Variants in SLC5A2 observed in about 807,000 individuals in gnomAD.
SLC5A2 encodes the protein solute carrier family 5 member 2, also known as sodium/glucose cotransporter 2.
A neutral mutation model predicts 69.0 loss-of-function variants in SLC5A2; 67 were observed. The observed-to-expected ratio is 0.97, with a 90% CI of 0.80 to 1.19. The LOEUF (loss-of-function observed/expected upper bound fraction) is 1.19, where lower values mean the gene tolerates loss of function less well. SLC5A2 is among the 50% of genes most tolerant of loss of function. The pLI is 0.00. For missense variants in SLC5A2, 1,001 were observed against 921.5 expected (o/e 1.09, Z -1.12); for synonymous variants, 455 against 395.8 (o/e 1.15, Z -1.78).
chr16:31,488,293 A>T, intron 8 of SLC5A2, 90 bp from the exon 9 acceptor site: 5 of 1,598,296 alleles, frequency 3.1e-6, no homozygotes, highest in Non-Finnish European at 4.3e-6. Context: ...CGGGGGTCGC[A>T]CGCCTCCTCT....
Position 31,488,998 on chromosome 16 carries a change from G to C in SLC5A2, c.1399G>C (p.Val467Leu). 1.2e-6 allele frequency: 2 copies of C among 1,600,836 alleles called. No homozygotes were observed. Among genetic ancestry groups the C allele is most frequent in the South Asian group, 1.1e-5 (1 of 91,082 alleles). ...AGTCTCTAGCTACCTGGCACCGCCC[G>C]TGTCCGCCGTCTTCGTGCTGGCGCT... ...QAVSSYLAPP[V>L]SAVFVLALFV... The change falls in exon 11 of 14, where the codon GTG becomes CTG. Residue 467 changes from valine to leucine, a missense_variant. Transcript: ENST00000330498.
Position 31,489,310 on chromosome 16 carries a change from T to A in SLC5A2, c.1637T>A (p.Leu546Gln), listed in dbSNP as rs2082536898. 1 of 1,609,674 alleles carries A rather than the reference T, an allele frequency of 6.2e-7. No homozygotes were observed. Among genetic ancestry groups the A allele is most frequent in the South Asian group, 1.1e-5 (1 of 91,092 alleles). Residue 546 changes from leucine to glutamine, a missense_variant, in exon 12 of 14, where the codon CTG becomes CAG. By Grantham distance (113) the Leu-to-Gln change is moderately radical. Transcript: ENST00000330498. The part of the protein sequence containing the change: ...CSGLLTLTVS[L>Q]CTAPIPRKHL... ...GGCCTCCTCACCCTCACGGTCTCCC[T>A]GTGCACCGCGCCCATCCCCAGAAAG... is the stretch of plus-strand genomic sequence containing the variant.
intron 3 of SLC5A2, 44 bp from the exon 4 acceptor site, chr16:31,485,685 G>C (rs2082489121): frequency 6.2e-7 from 1 of 1,606,642 alleles, no homozygotes. Flanking sequence ...GATCCTCAGG[G>C]ATGAGGGCAA....
rs749110069 is a variant in SLC5A2, at chr16:31,489,382, C to T, written c.1665+44C>T. On this transcript the variant is annotated intron_variant, in intron 12 of 13. Coordinates refer to ENST00000330498, the MANE Select transcript of SLC5A2 (RefSeq NM_003041.4). Reference sequence around the variant, plus strand: ...CAGGCAAGCACTGTGGGACACAGCACCTACCCTCTGCTTCCTGGAGTGCCC... The same window carrying T: ...CAGGCAAGCACTGTGGGACACAGCATCTACCCTCTGCTTCCTGGAGTGCCC... The T allele has an allele frequency of 3.9e-6, 6 of 1,554,170 alleles. No individual in the cohort carries two copies. The East Asian group carries it at 1.4e-4, about 35-fold the overall frequency.
chr16:31,487,914 T>G, intron 7 of SLC5A2, 124 bp from the exon 8 acceptor site: 1 of 1,470,452 alleles, frequency 6.8e-7, no homozygotes, highest in East Asian at 2.4e-5. Flanking sequence ...AGGCTCCATC[T>G]ACTCCAAGCG....
At chr16:31,489,840 C>T (rs1303201782) in intron 12 of SLC5A2, 4 of 501,712 alleles carry the variant, frequency 8.0e-6, no homozygotes, top group Non-Finnish European at 1.5e-5. Context: ...CAAGCGCTAC[C>T]ATCTGGGTGT....
In SLC5A2 at chr16:31,484,919, G is replaced by GGAA; in HGVS notation, c.300_302dup (p.Trp100_Asn101insLys). 1 of 1,613,858 alleles carries GGAA rather than the reference G, an allele frequency of 6.2e-7. No homozygotes were observed. The highest frequency in any genetic ancestry group is 1.1e-5 in the South Asian group (1 of 91,056). On this transcript the variant is annotated inframe_insertion, in exon 3 of 14. Coordinates refer to ENST00000330498, the MANE Select transcript of SLC5A2 (RefSeq NM_003041.4). ...GGCTTGGCTGTTGCTGGATTCGAGTGGAATGTGAGGCCCTCTTTTTTCCAA... is the reference window on the plus strand; with the variant it reads ...GGCTTGGCTGTTGCTGGATTCGAGTGGAAGAATGTGAGGCCCTCTTTTTTCCAA...
intron 3 of SLC5A2, chr16:31,485,443 G>T: frequency 1.9e-6 from 1 of 535,324 alleles, no homozygotes. Flanking sequence ...AGTCTGAGGG[G>T]TCTATGCTGG....
intron 10 of SLC5A2, 21 bp downstream of exon 10, chr16:31,488,793 C>A (rs1274028009): frequency 6.2e-7 from 1 of 1,600,310 alleles, no homozygotes; most frequent in African/African-American, 1.3e-5. Flanking sequence ...GGCTCCCCTC[C>A]TCCCCAACGG....
chr16:31,487,888 T>G, intron 7 of SLC5A2, 129 bp downstream of exon 7: 1 of 1,414,882 alleles, frequency 7.1e-7, no homozygotes, highest in Non-Finnish European at 9.6e-7. Flanking sequence ...CTCGGGTTGG[T>G]GCTAAACCAG....
chr16:31,488,798 C>T (rs1270823451), intron 10 of SLC5A2, 26 bp downstream of exon 10: 3 of 1,600,586 alleles, frequency 1.9e-6, no homozygotes, highest in Non-Finnish European at 2.5e-6. Flanking sequence ...CCCTCCTCCC[C>T]AACGGATCAG....
At chr16:31,486,513 G>A (rs1203548721) in intron 5 of SLC5A2, among the ~76,000 whole-genome samples, 3 of 152,202 alleles carry the variant, frequency 2.0e-5, no homozygotes, top group Non-Finnish European at 4.4e-5. Flanking sequence ...AGGACTTTGA[G>A]AAAAGGAAGA....
intron 7 of SLC5A2, 69 bp from the exon 8 acceptor site, chr16:31,487,969 A>T: frequency 6.3e-7 from 1 of 1,598,392 alleles, no homozygotes; most frequent in Non-Finnish European, 8.5e-7. Context: ...CGGGGCACAG[A>T]GCGGAACGGG....
chr16:31,489,169 G>T lies in SLC5A2; in HGVS notation c.1496G>T (p.Arg499Leu), dbSNP rs757850961. 1 of 1,610,042 alleles carries T rather than the reference G, an allele frequency of 6.2e-7. No individual in the cohort carries two copies. The highest frequency in any genetic ancestry group is 8.5e-7 in the Non-Finnish European group (1 of 1,179,994). Residue 499 changes from arginine to leucine, a missense_variant, in exon 12 of 14, where the codon CGC becomes CTC. Transcript: ENST00000330498. ...GGGGGCCTGCTGATGGGCCTGGCACGCCTGATTCCCGAGTTCTCCTTCGGC... is the reference window on the plus strand; with the variant it reads ...GGGGGCCTGCTGATGGGCCTGGCACTCCTGATTCCCGAGTTCTCCTTCGGC... The part of the protein sequence containing the change: ...LIGGLLMGLA[R>L]LIPEFSFGSG...
intron 3 of SLC5A2, 32 bp downstream of exon 3, chr16:31,484,955 C>G (rs1184115370): frequency 7.0e-6 from 11 of 1,580,724 alleles, no homozygotes; most frequent in Non-Finnish European, 7.8e-6. Context: ...TAACCCCACC[C>G]TCAGTGAGAA....
chr16:31,487,508 C>T (rs750444614), intron 6 of SLC5A2, 22 bp from the exon 7 acceptor site: 3 of 1,612,954 alleles, frequency 1.9e-6, no homozygotes, highest in Non-Finnish European at 1.7e-6. Context: ...AAGGAGGGTC[C>T]CCTGACGGCC....
At position 31,490,122 on chromosome 16, in the gene SLC5A2, A is replaced by T. The variant is rs745687701; in HGVS notation, c.1684A>T (p.Ser562Cys). 2.4e-5 allele frequency: 38 copies of T among 1,613,906 alleles called. No homozygotes were observed. Among genetic ancestry groups the T allele is most frequent in the Non-Finnish European group, 8.5e-7 (1 of 1,180,040 alleles). ...TCCCCAGCTCCACCGCCTGGTCTTC[A>T]GTCTCCGGCATAGCAAGGAGGAACG... ...PRKHLHRLVF[S>C]LRHSKEERED... The change falls in exon 13 of 14, where the codon AGT becomes TGT. Residue 562 changes from serine (S) to cysteine (C), a missense_variant. Coordinates refer to ENST00000330498, the MANE Select transcript of SLC5A2 (RefSeq NM_003041.4).
chr16:31,487,635 TC>T lies in SLC5A2; in HGVS notation c.762del (p.Cys255AlafsTer16). On this transcript the variant is annotated frameshift_variant, in exon 7 of 14. Coordinates refer to ENST00000330498, the MANE Select transcript of SLC5A2 (RefSeq NM_003041.4). LOFTEE classifies it high-confidence loss of function. ...EDPAVGNISS[F>X]CYRPRPDSYH... ...CCAGCCGTGGGAAACATCTCCAGCT[TC>T]TGCTATCGACCCCGGCCCGACTCCT... The T allele has an allele frequency of 1.2e-6, 2 of 1,613,786 alleles. No homozygotes were observed. The highest frequency in any genetic ancestry group is 1.7e-6 in the Non-Finnish European group (2 of 1,179,964).
intron 7 of SLC5A2, 135 bp downstream of exon 7, chr16:31,487,894 A>G: frequency 7.0e-7 from 1 of 1,425,644 alleles, no homozygotes; most frequent in Non-Finnish European, 9.5e-7. Context: ...TTGGTGCTAA[A>G]CCAGACAGAA....
Sources: allele counts gnomAD v4.1 joint callset (sites outside exome capture counted in the v4.1 genomes callset), GRCh38; gene constraint gnomAD v4.1.1; transcripts MANE v1.5; gene names NCBI Gene and HGNC (gene_info 2026-07-23, HGNC 2026-07-21).